Variants in NPTXR observed in about 807,000 individuals in gnomAD.
NPTXR encodes the protein neuronal pentraxin receptor.
NPTXR carries 12 observed loss-of-function variants against 32.2 expected under a neutral mutation model. That is an observed-to-expected ratio of 0.37 (90% CI 0.24 to 0.60). NPTXR has a LOEUF of 0.60. Ranked by LOEUF, NPTXR falls within the 20% of genes least tolerant of loss-of-function variation. The pLI is 0.66. For synonymous variants in NPTXR, 323 were observed against 315.8 expected (o/e 1.02, Z -0.24); for missense variants, 612 against 682.9 (o/e 0.90, Z 1.16).
intron 1 of NPTXR, among the ~76,000 whole-genome samples, chr22:38,839,277 G>A (rs976025118): frequency 3.9e-5 from 6 of 152,278 alleles, no homozygotes; most frequent in African/African-American, 9.6e-5. Context: ...ATGGAACAGG[G>A]GAACACACAT....
rs1188181871 is a variant in NPTXR at position 38,822,294 on chromosome 22, G to A, written c.*315C>T. 2 of 386,006 alleles carry A rather than the reference G, an allele frequency of 5.2e-6. No homozygotes were observed. Among genetic ancestry groups the A allele is most frequent in the East Asian group, 5.3e-5 (1 of 18,692 alleles). The allele number at this position is 386,006 out of a possible 1,614,324, so 23.9% of individuals were successfully genotyped here. A position where few individuals can be genotyped will look rare whatever the true frequency, so the allele number is the denominator to read the frequency against. On this transcript the variant is annotated 3_prime_UTR_variant, in exon 5 of 5. Transcript: ENST00000333039. ...TACACAATCCTACCCTACTGGGGGT[G>A]CTGTCAAAATTAGTGAAATCAGATA...
At position 38,826,661 on chromosome 22, in the gene NPTXR, G is replaced by A; in HGVS notation, c.937C>T (p.Leu313=). ...GCGGTGAATGCGTAGAGCTCGGGCA[G>A]AGCCTTCCGCACGCGGGCGTACATG... The change falls in exon 3 of 5, where the codon CTG becomes TTG. Residue 313 remains leucine (L), a synonymous_variant. Transcript: ENST00000333039. 2 of 1,614,190 alleles carry A rather than the reference G, an allele frequency of 1.2e-6. No individual in the cohort carries two copies. The highest frequency in any genetic ancestry group is 1.7e-6 in the Non-Finnish European group (2 of 1,180,008).
intron 1 of NPTXR, among the ~76,000 whole-genome samples, chr22:38,839,739 A>G (rs1316436681): frequency 1.3e-5 from 2 of 152,188 alleles, no homozygotes; most frequent in African/African-American, 4.8e-5. Context: ...AGACTTAAAA[A>G]CAAACAAACA....
chr22:38,831,070 C>A (rs1320511541), intron 1 of NPTXR, among the ~76,000 whole-genome samples: 1 of 152,186 alleles, frequency 6.6e-6, no homozygotes, highest in Non-Finnish European at 1.5e-5. Context: ...GCCTATAAAC[C>A]CTGACTCTGG....
chr22:38,835,681 GC>G (rs2093122912), intron 1 of NPTXR, among the ~76,000 whole-genome samples: 1 of 152,074 alleles, frequency 6.6e-6, no homozygotes, highest in South Asian at 2.1e-4. Flanking sequence ...CACCTTCCGG[GC>G]CCCCAAAATC....
intron 1 of NPTXR, among the ~76,000 whole-genome samples, chr22:38,836,365 CAGA>C (rs2093123945): frequency 6.6e-6 from 1 of 152,236 alleles, no homozygotes; most frequent in African/African-American, 2.4e-5. Context: ...GATCCATCCA[CAGA>C]AGAACGGGTA....
At chr22:38,836,189 G>C (rs1372998660) in intron 1 of NPTXR, among the ~76,000 whole-genome samples, 1 of 152,108 alleles carries the variant, frequency 6.6e-6, no homozygotes, top group Non-Finnish European at 1.5e-5. Context: ...AACTCTCTCA[G>C]CTACTGTGGG....
At chr22:38,828,244 C>T (rs766637641) in intron 2 of NPTXR, 43 bp downstream of exon 2, 2 of 1,521,768 alleles carry the variant, frequency 1.3e-6, no homozygotes, top group Non-Finnish European at 1.8e-6. Flanking sequence ...GCTCTGTCAT[C>T]CTGAGGACCC....
At chr22:38,842,027 C>A (rs773457734) in intron 1 of NPTXR, among the ~76,000 whole-genome samples, 67 of 152,174 alleles carry the variant, frequency 4.4e-4, no homozygotes, top group Non-Finnish European at 8.8e-4. Context: ...CACTCTGACA[C>A]CCTGTGGGGA....
chr22:38,819,095 G>A lies in NPTXR; in HGVS notation c.*3514C>T, dbSNP rs1212927453. ...GATGCAAAGTGGTGGCAAGGGGATT[G>A]GTCCCCTTGGGATGTTGGTGGGGGC... On this transcript the variant is annotated 3_prime_UTR_variant, in exon 5 of 5. Transcript: ENST00000333039. The A allele has an allele frequency of 2.0e-5, 3 of 152,302 alleles. No individual in the cohort carries two copies. Among genetic ancestry groups the A allele is most frequent in the African/African-American group, 7.2e-5 (3 of 41,446 alleles). 9.4% of individuals were successfully genotyped at this position (152,302 alleles called of 1,614,324 possible).
chr22:38,828,492 C>T lies in NPTXR; in HGVS notation c.645G>A (p.Val215=). ...CTGGGGCTGGGGCAGCTGAGAGGTT[C>T]ACACGGGCTGGAAGCTCCTGCTGTT... The change falls in exon 2 of 5, where the codon GTG becomes GTA. Residue 215 remains valine (V), a synonymous_variant. Transcript: ENST00000333039. 1 of 1,604,138 alleles carries T rather than the reference C, an allele frequency of 6.2e-7. No individual in the cohort carries two copies. Among genetic ancestry groups the T allele is most frequent in the Non-Finnish European group, 8.5e-7 (1 of 1,175,734 alleles).
rs78959449 is a variant in NPTXR at position 38,842,566 on chromosome 22, G to A, written c.624+669C>T. The stretch of plus-strand genomic sequence containing the variant: ...CCTGGAAAAGTGAGTGGAGGAGGAG[G>A]AGCTCGGGGGGCCCTGTTCTCCATT... On this transcript the variant is annotated intron_variant, in intron 1 of 4. Coordinates refer to ENST00000333039, the MANE Select transcript of NPTXR (RefSeq NM_014293.4). Among the ~76,000 whole-genome samples the A allele has an allele frequency of 7.3e-3, 1,109 of 152,316 alleles. 10 individuals carry two copies. Among genetic ancestry groups the A allele is most frequent in the African/African-American group, 0.025 (1,055 of 41,558 alleles).
rs2093101412 is a variant in NPTXR, at chr22:38,823,390, C to T, written c.1099-128G>A. On this transcript the variant is annotated intron_variant, in intron 3 of 4. Transcript: ENST00000333039. ...AGGGCCCGACCCCAGGCCTGACCCTCTCCATCCTCCTGCCCAGTGTCTTTC... is the reference window on the plus strand; with the variant it reads ...AGGGCCCGACCCCAGGCCTGACCCTTTCCATCCTCCTGCCCAGTGTCTTTC... The T allele has an allele frequency of 1.8e-5, 13 of 722,796 alleles. No individual in the cohort carries two copies. The South Asian group carries it at 2.3e-4, about 13-fold the overall frequency. 44.8% of individuals were successfully genotyped at this position (722,796 alleles called of 1,614,324 possible).
At position 38,843,930 on chromosome 22, in the gene NPTXR, G is replaced by T; in HGVS notation, c.-72C>A. The T allele has an allele frequency of 1.1e-6, 1 of 879,542 alleles. No homozygotes were observed. Among genetic ancestry groups the T allele is most frequent in the African/African-American group, 1.8e-5 (1 of 54,742 alleles). The allele number at this position is 879,542 out of a possible 1,614,324, so 54.5% of individuals were successfully genotyped here. ...GGCGGGGTCGGGGCGCGGAGCCCGGGCGCGCTGGGCCGAGCGGGGCAGGCG... is the reference window on the plus strand; with the variant it reads ...GGCGGGGTCGGGGCGCGGAGCCCGGTCGCGCTGGGCCGAGCGGGGCAGGCG... On this transcript the variant is annotated 5_prime_UTR_variant, in exon 1 of 5. Transcript: ENST00000333039. This position sits in a 1 kb window ranked among gnomAD's most constrained non-coding sequence, Gnocchi z 5.3.
intron 1 of NPTXR, among the ~76,000 whole-genome samples, chr22:38,832,864 T>C (rs1442657744): frequency 6.6e-6 from 1 of 152,020 alleles, no homozygotes; most frequent in Non-Finnish European, 1.5e-5. Context: ...GAGGTACTAA[T>C]GGCCACGGGA....
At chr22:38,836,688 C>T (rs926718849) in intron 1 of NPTXR, among the ~76,000 whole-genome samples, 1 of 152,186 alleles carries the variant, frequency 6.6e-6, no homozygotes, top group Non-Finnish European at 1.5e-5. Context: ...ACAGGGGTAT[C>T]CATCCACAAA....
At chr22:38,829,111 C>A (rs949032046) in intron 1 of NPTXR, among the ~76,000 whole-genome samples, 1 of 152,222 alleles carries the variant, frequency 6.6e-6, no homozygotes, top group African/African-American at 2.4e-5. Context: ...GCTCGGTAAC[C>A]AATCTGCTAT....
At chr22:38,828,192 T>C in intron 2 of NPTXR, 95 bp downstream of exon 2, 1 of 967,104 alleles carries the variant, frequency 1.0e-6, no homozygotes, top group South Asian at 1.4e-5. Context: ...CTCCAGTCTG[T>C]CGATGTTAGC....
chr22:38,840,707 G>A (rs540109361), intron 1 of NPTXR, among the ~76,000 whole-genome samples: 92 of 152,292 alleles, frequency 6.0e-4, no homozygotes, highest in African/African-American at 2.0e-3. Flanking sequence ...GGAAACCTGG[G>A]CTGGACACTG....
Sources: allele counts gnomAD v4.1 joint callset (sites outside exome capture counted in the v4.1 genomes callset), GRCh38; gene constraint gnomAD v4.1.1; non-coding constraint Gnocchi (gnomAD v3.1); transcripts MANE v1.5; gene names NCBI Gene and HGNC (gene_info 2026-07-23, HGNC 2026-07-21).